FMR1NB: variants seen among roughly 807,000 people sequenced by gnomAD.
FMR1NB encodes FMR1 neighbor protein.
In FMR1NB, 10 loss-of-function variants were observed where a neutral mutation model predicts 16.8. That is an observed-to-expected ratio of 0.60 (90% confidence interval 0.37 to 1.01). FMR1NB has a LOEUF of 1.01. Ranked by LOEUF, FMR1NB falls within the 50% of genes least tolerant of loss-of-function variation. The pLI is 0.01. For missense variants in FMR1NB, 205 were observed against 204.8 expected (o/e 1.00, Z 0.00); for synonymous variants, 83 against 79.1 (o/e 1.05, Z -0.26).
At chrX:148,012,677 G>C (rs2044631042) in intron 4 of FMR1NB, among the ~76,000 whole-genome samples, 1 of 111,184 alleles carries the variant, frequency 9.0e-6, no homozygotes, top group Non-Finnish European at 1.9e-5. Context: ...GACCAATCCT[G>C]CTGCATGATT....
intron 1 of FMR1NB, among the ~76,000 whole-genome samples, chrX:147,983,612 T>A (rs1234558728): frequency 2.7e-5 from 3 of 112,384 alleles, no homozygotes; most frequent in Non-Finnish European, 3.8e-5. Context: ...TAAGAATTCT[T>A]TATATATTCT....
At chrX:148,006,316 A>G (rs2044595975) in intron 2 of FMR1NB, among the ~76,000 whole-genome samples, 1 of 112,187 alleles carries the variant, frequency 8.9e-6, no homozygotes, top group South Asian at 3.7e-4. Flanking sequence ...TCTGTGGCTT[A>G]GTAACGTTAA....
chrX:147,982,431 A>T (rs1263373810), intron 1 of FMR1NB, among the ~76,000 whole-genome samples: 1 of 109,361 alleles, frequency 9.1e-6, no homozygotes, highest in African/African-American at 3.3e-5. Context: ...CTACTAAAAT[A>T]CAAAAAAATT....
intron 1 of FMR1NB, among the ~76,000 whole-genome samples, chrX:147,982,581 T>C (rs1385271827): frequency 1.6e-5 from 1 of 61,746 alleles, no homozygotes; most frequent in African/African-American, 7.2e-5. Context: ...AGAGCGAGAC[T>C]CCGTCTCAAA....
At chrX:147,985,957 T>G (rs781791950) in intron 1 of FMR1NB, among the ~76,000 whole-genome samples, 40 of 112,535 alleles carry the variant, frequency 3.6e-4, no homozygotes, top group Non-Finnish European at 6.0e-4. Flanking sequence ...TGTTTCTATT[T>G]CTTCACATCC....
chrX:148,024,832 AAT>A, intron 4 of FMR1NB, 31 bp from the exon 5 acceptor site: 2 of 1,200,452 alleles, frequency 1.7e-6, no homozygotes, highest in Middle Eastern at 4.7e-4. Flanking sequence ...ACTAATGAGA[AAT>A]AAGGTTTCAC....
At chrX:148,017,379 T>C (rs1213439576) in intron 4 of FMR1NB, among the ~76,000 whole-genome samples, 6 of 110,797 alleles carry the variant, frequency 5.4e-5, no homozygotes, top group Admixed American at 1.9e-4. Context: ...TGGTATTCTA[T>C]AACCTTCTTG....
At chrX:148,001,482 T>C (rs1477258145) in intron 1 of FMR1NB, among the ~76,000 whole-genome samples, 2 of 111,661 alleles carry the variant, frequency 1.8e-5, no homozygotes, top group African/African-American at 3.3e-5. Flanking sequence ...AGATCAGTTA[T>C]TAAAACATAA....
At chrX:147,998,710 A>T (rs1405317319) in intron 1 of FMR1NB, among the ~76,000 whole-genome samples, 1 of 112,770 alleles carries the variant, frequency 8.9e-6, no homozygotes, top group Non-Finnish European at 1.9e-5. Flanking sequence ...ACACTTTCAA[A>T]TAAACTCATA....
intron 4 of FMR1NB, among the ~76,000 whole-genome samples, chrX:148,011,586 A>G (rs782173642): frequency 9.0e-6 from 1 of 111,713 alleles, no homozygotes; most frequent in Non-Finnish European, 1.9e-5. Context: ...GATGGTAGCA[A>G]TAACTTACAA....
At chrX:147,982,611 A>T (rs1278330518) in intron 1 of FMR1NB, among the ~76,000 whole-genome samples, 3 of 88,554 alleles carry the variant, frequency 3.4e-5, no homozygotes, top group Non-Finnish European at 4.5e-5. Context: ...AAAAAAAAAA[A>T]GGCCGGGCGC....
intron 1 of FMR1NB, among the ~76,000 whole-genome samples, chrX:147,990,704 T>C (rs782384928): frequency 8.9e-6 from 1 of 111,796 alleles, no homozygotes; most frequent in Admixed American, 9.5e-5. Context: ...TGTTTCAATC[T>C]CTTTATTTGT....
chrX:148,024,723 G>A (rs1557190867), intron 4 of FMR1NB, 142 bp from the exon 5 acceptor site: 11 of 702,691 alleles, frequency 1.6e-5, no homozygotes, highest in South Asian at 3.1e-5. Flanking sequence ...AATTTCTATC[G>A]GATTTATTAA....
chrX:147,999,533 C>A (rs1272325387), intron 1 of FMR1NB, among the ~76,000 whole-genome samples: 1 of 104,780 alleles, frequency 9.5e-6, no homozygotes, highest in African/African-American at 3.4e-5. Context: ...TACTTCTAGT[C>A]TTTTTTTTTT....
chrX:148,014,749 A>G (rs1233424177), intron 4 of FMR1NB, among the ~76,000 whole-genome samples: 1 of 111,272 alleles, frequency 9.0e-6, no homozygotes, highest in African/African-American at 3.3e-5. Flanking sequence ...GGCTCCGGCA[A>G]TCCTCCCACC....
chrX:147,982,283 C>T (rs781987837), intron 1 of FMR1NB, among the ~76,000 whole-genome samples: 15 of 76,541 alleles, frequency 2.0e-4, no homozygotes, highest in African/African-American at 6.0e-4. Context: ...AGCGAGACTC[C>T]GTCTAAAAAG....
intron 1 of FMR1NB, among the ~76,000 whole-genome samples, chrX:147,992,291 GA>G (rs2044511909): frequency 1.2e-5 from 1 of 83,708 alleles, no homozygotes; most frequent in Admixed American, 1.3e-4. Flanking sequence ...CAGGGGGGCT[GA>G]CCCCCCCCAC....
chrX:147,987,002 A>C (rs782199748), intron 1 of FMR1NB, among the ~76,000 whole-genome samples: 9 of 110,972 alleles, frequency 8.1e-5, no homozygotes, highest in Non-Finnish European at 1.5e-4. Context: ...TTCCTTGAGC[A>C]ATGGTTTGTC....
chrX:147,986,083 C>T (rs1231123085), intron 1 of FMR1NB, among the ~76,000 whole-genome samples: 17 of 112,192 alleles, frequency 1.5e-4, no homozygotes, highest in African/African-American at 5.2e-4. Flanking sequence ...TGATGAGCTT[C>T]TTTTCATATG....
Sources: allele counts gnomAD v4.1 joint callset (sites outside exome capture counted in the v4.1 genomes callset), GRCh38; gene constraint gnomAD v4.1.1; transcripts MANE v1.5; gene names NCBI Gene and HGNC (gene_info 2026-07-23, HGNC 2026-07-21).